The following CPE variants were observed in gnomAD, a reference collection of about 807,000 sequenced individuals.
CPE encodes the protein carboxypeptidase E.
In CPE, 17 loss-of-function variants were observed where a neutral mutation model predicts 53.5. The observed-to-expected ratio is 0.32, with a 90% confidence interval of 0.22 to 0.48. The LOEUF (loss-of-function observed/expected upper bound fraction) is 0.48, where lower values mean the gene tolerates loss of function less well. CPE is among the 20% of genes least tolerant of loss of function. CPE has a pLI of 0.99. For synonymous variants in CPE, 226 were observed against 228.8 expected (o/e 0.99, Z 0.11); for missense variants, 524 against 614.7 (o/e 0.85, Z 1.56).
intron 1 of CPE, among the ~76,000 whole-genome samples, chr4:165,412,480 C>T (rs149014568): frequency 0.011 from 1,656 of 152,212 alleles, 31 homozygotes; most frequent in East Asian, 0.099. Context: ...CTCAATAAAG[C>T]CTATGAATCA....
chr4:165,466,083 A>G (rs975328457), intron 2 of CPE, among the ~76,000 whole-genome samples: 7 of 152,200 alleles, frequency 4.6e-5, no homozygotes, highest in East Asian at 3.9e-4. Flanking sequence ...GAGAAATGCA[A>G]TGTTGGGTGA....
chr4:165,493,331 C>G, intron 7 of CPE, 61 bp downstream of exon 7: 3 of 1,154,202 alleles, frequency 2.6e-6, no homozygotes, highest in Non-Finnish European at 3.9e-6. Context: ...TACTAATTAT[C>G]ATAATTATAA....
At chr4:165,470,010 G>A (rs1042409934) in intron 3 of CPE, among the ~76,000 whole-genome samples, 1 of 152,162 alleles carries the variant, frequency 6.6e-6, no homozygotes, top group Non-Finnish European at 1.5e-5. Context: ...GCCTACAGGT[G>A]GGGGCTGGTC....
At chr4:165,381,518 G>A (rs950406455) in intron 1 of CPE, 2 of 337,672 alleles carry the variant, frequency 5.9e-6, no homozygotes, top group Non-Finnish European at 1.2e-5. Flanking sequence ...AAACTCGGAA[G>A]TGTTGTACAA....
chr4:165,469,228 C>T (rs1160072467), intron 3 of CPE, among the ~76,000 whole-genome samples: 3 of 152,162 alleles, frequency 2.0e-5, no homozygotes, highest in African/African-American at 4.8e-5. Flanking sequence ...TTGAGCCCAT[C>T]TTGGAGGAAA....
intron 1 of CPE, among the ~76,000 whole-genome samples, chr4:165,424,656 C>T (rs1731286386): frequency 6.6e-6 from 1 of 151,906 alleles, no homozygotes; most frequent in Non-Finnish European, 1.5e-5. Flanking sequence ...GCCTCAGCCT[C>T]CCGAGTACCT....
At chr4:165,467,958 G>C (rs1362876640) in intron 3 of CPE, 103 bp downstream of exon 3, 1 of 1,277,060 alleles carries the variant, frequency 7.8e-7, no homozygotes, top group East Asian at 2.5e-5. Flanking sequence ...ATCACAGCTT[G>C]TATGGGGTGG....
At chr4:165,466,010 C>T (rs1038370005) in intron 2 of CPE, among the ~76,000 whole-genome samples, 1 of 152,028 alleles carries the variant, frequency 6.6e-6, no homozygotes, top group Admixed American at 6.6e-5. Flanking sequence ...ATTCATCGAA[C>T]ATATTTTCAA....
At chr4:165,470,740 T>C (rs1001813668) in intron 3 of CPE, among the ~76,000 whole-genome samples, 5 of 152,098 alleles carry the variant, frequency 3.3e-5, no homozygotes, top group Admixed American at 6.6e-5. Flanking sequence ...CCCTCAAGAA[T>C]CCAAGACCTC....
At position 165,487,764 on chromosome 4, in the gene CPE, T is replaced by G. The variant is rs114701260; in HGVS notation, c.1113+187T>G. On this transcript the variant is annotated intron_variant, in intron 6 of 8. Transcript: ENST00000402744. The stretch of plus-strand genomic sequence containing the variant: ...TCATAGGTTTTGTGGCTCAGGACTA[T>G]TCACCAAGAACTGACTAAACTGGAG... 5.9e-3 allele frequency among the ~76,000 whole-genome samples: 895 copies of G among 152,230 alleles called. 14 individuals carry two copies. The highest frequency in any genetic ancestry group is 0.02 in the African/African-American group (841 of 41,536).
intron 3 of CPE, among the ~76,000 whole-genome samples, chr4:165,472,006 A>G (rs1732215933): frequency 6.6e-6 from 1 of 152,234 alleles, no homozygotes; most frequent in African/African-American, 2.4e-5. Context: ...AATTCTGGAG[A>G]AATCAGGTAG....
chr4:165,417,007 C>A (rs950333524), intron 1 of CPE, among the ~76,000 whole-genome samples: 9 of 152,084 alleles, frequency 5.9e-5, no homozygotes, highest in African/African-American at 2.2e-4. Context: ...TCTTGCAGGA[C>A]TGGAGTTAGG....
chr4:165,475,589 A>G (rs572100083), intron 3 of CPE, among the ~76,000 whole-genome samples: 1 of 152,318 alleles, frequency 6.6e-6, no homozygotes, highest in South Asian at 2.1e-4. Flanking sequence ...TAGCTGGTGT[A>G]CAAGGCCATT....
intron 6 of CPE, among the ~76,000 whole-genome samples, chr4:165,491,010 T>A (rs530074119): frequency 1.4e-4 from 21 of 152,344 alleles, no homozygotes; most frequent in Non-Finnish European, 1.2e-4. Flanking sequence ...TTTTCCAGTC[T>A]GAATTCATGG....
At chr4:165,397,412 A>G (rs1730785713) in intron 1 of CPE, among the ~76,000 whole-genome samples, 1 of 152,224 alleles carries the variant, frequency 6.6e-6, no homozygotes, top group Non-Finnish European at 1.5e-5. Flanking sequence ...AGATTAGAAT[A>G]TACATGTATA....
intron 1 of CPE, among the ~76,000 whole-genome samples, chr4:165,445,173 C>G (rs960363939): frequency 3.3e-5 from 5 of 152,252 alleles, no homozygotes; most frequent in Admixed American, 3.3e-4. Context: ...CTGGGCTGGT[C>G]TCGAACTCAT....
intron 1 of CPE, among the ~76,000 whole-genome samples, chr4:165,396,871 G>A (rs34405858): frequency 0.23 from 33,755 of 146,746 alleles, 4,375 homozygotes; most frequent in East Asian, 0.39. Flanking sequence ...GCAACATGGC[G>A]AAACCCTGTC....
chr4:165,483,006 T>G (rs1364036872), intron 4 of CPE, among the ~76,000 whole-genome samples: 2 of 152,152 alleles, frequency 1.3e-5, no homozygotes, highest in Non-Finnish European at 2.9e-5. Flanking sequence ...AGTTTGTTTT[T>G]TTTTTTTTAA....
chr4:165,469,158 TC>T (rs1481974548), intron 3 of CPE, among the ~76,000 whole-genome samples: 1 of 152,226 alleles, frequency 6.6e-6, no homozygotes, highest in Admixed American at 6.5e-5. Flanking sequence ...CATTTACATA[TC>T]CACTAAACAT....
Sources: allele counts gnomAD v4.1 joint callset (sites outside exome capture counted in the v4.1 genomes callset), GRCh38; gene constraint gnomAD v4.1.1; transcripts MANE v1.5; gene names NCBI Gene and HGNC (gene_info 2026-07-23, HGNC 2026-07-21).